The following SEMA4D variants were observed in gnomAD, a reference collection of about 807,000 sequenced individuals.
SEMA4D encodes the protein semaphorin 4D.
SEMA4D carries 22 observed loss-of-function variants against 74.8 expected under a neutral mutation model. The ratio of observed to expected loss-of-function variants is 0.29; its 90% CI spans 0.21 to 0.42. The LOEUF is 0.42. SEMA4D is among the 10% of genes least tolerant of loss of function. The pLI is 1.00. For missense variants in SEMA4D, 937 were observed against 1,118.4 expected, an observed-to-expected ratio of 0.84 and a Z score of 2.31; for synonymous variants, 445 against 463.7, an observed-to-expected ratio of 0.96 and a Z score of 0.52.
chr9:89,372,023 G>A (rs1292177410), intron 16 of SEMA4D, among the ~76,000 whole-genome samples: 1 of 108,588 alleles, frequency 9.2e-6, no homozygotes. Flanking sequence ...TGTGTCTGGG[G>A]TGTGGTGTGT....
At chr9:89,427,632 G>A (rs189476236) in intron 2 of SEMA4D, among the ~76,000 whole-genome samples, 10 of 152,274 alleles carry the variant, frequency 6.6e-5, no homozygotes, top group Non-Finnish European at 1.0e-4. Flanking sequence ...TCCACCCCCC[G>A]GTCAGCAGCA....
intron 1 of SEMA4D, among the ~76,000 whole-genome samples, chr9:89,458,759 A>G (rs935188613): frequency 2.6e-5 from 4 of 152,006 alleles, no homozygotes; most frequent in African/African-American, 9.7e-5. Flanking sequence ...ACACATATAC[A>G]TATATGCACA....
chr9:89,417,729 G>A (rs1421308368), intron 2 of SEMA4D, among the ~76,000 whole-genome samples: 1 of 152,184 alleles, frequency 6.6e-6, no homozygotes, highest in African/African-American at 2.4e-5. Context: ...TAAGCTTTCT[G>A]GTGCAGGCAC....
At chr9:89,452,886 T>C (rs910908498) in intron 2 of SEMA4D, among the ~76,000 whole-genome samples, 1 of 152,126 alleles carries the variant, frequency 6.6e-6, no homozygotes, top group Non-Finnish European at 1.5e-5. Flanking sequence ...ACATTGTTCA[T>C]CATTAGTCAG....
At chr9:89,464,201 G>A (rs1351792544) in intron 1 of SEMA4D, among the ~76,000 whole-genome samples, 1 of 152,152 alleles carries the variant, frequency 6.6e-6, no homozygotes, top group Admixed American at 6.5e-5. Flanking sequence ...CGCTCTCAGG[G>A]ACCAAGGACA....
At chr9:89,459,205 C>A (rs142142417) in intron 1 of SEMA4D, among the ~76,000 whole-genome samples, 12 of 152,306 alleles carry the variant, frequency 7.9e-5, no homozygotes, top group African/African-American at 2.9e-4. Context: ...GATCTGAATG[C>A]CAGATCTCTG....
At chr9:89,418,147 T>C (rs1398198196) in intron 2 of SEMA4D, 1 of 968,350 alleles carries the variant, frequency 1.0e-6, no homozygotes, top group Non-Finnish European at 1.2e-6. Flanking sequence ...ACAAGGCTAT[T>C]TAAGCCCTTA....
chr9:89,372,719 A>G (rs1835284732), downstream of SEMA4D, among the ~76,000 whole-genome samples: 3 of 151,994 alleles, frequency 2.0e-5, no homozygotes, highest in Admixed American at 1.3e-4. Flanking sequence ...AAGGCAGTGC[A>G]GTCCTGACCT....
At chr9:89,425,812 G>A (rs933321294) in intron 2 of SEMA4D, among the ~76,000 whole-genome samples, 7 of 152,278 alleles carry the variant, frequency 4.6e-5, no homozygotes, top group African/African-American at 1.2e-4. Flanking sequence ...ATGCCCTCCC[G>A]GGTCCTGCAG....
At chr9:89,438,248 G>C (rs887968170) in intron 2 of SEMA4D, among the ~76,000 whole-genome samples, 1 of 152,262 alleles carries the variant, frequency 6.6e-6, no homozygotes, top group African/African-American at 2.4e-5. Context: ...TGAGAAACTG[G>C]AGACCCAGGA....
At chr9:89,473,722 G>A (rs1336461140) in intron 1 of SEMA4D, among the ~76,000 whole-genome samples, 2 of 152,078 alleles carry the variant, frequency 1.3e-5, no homozygotes, top group Non-Finnish European at 2.9e-5. Flanking sequence ...GGGCATGGTG[G>A]CACATGACTG....
At chr9:89,446,166 T>A (rs1259937576) in intron 2 of SEMA4D, among the ~76,000 whole-genome samples, 1 of 152,074 alleles carries the variant, frequency 6.6e-6, no homozygotes, top group Non-Finnish European at 1.5e-5. Context: ...AATTGGCAGA[T>A]AAAATCCACC....
At chr9:89,362,872 A>G (rs1378443269) in intron 18 of SEMA4D, among the ~76,000 whole-genome samples, 2 of 152,194 alleles carry the variant, frequency 1.3e-5, no homozygotes, top group African/African-American at 2.4e-5. Flanking sequence ...TCGGCTATTT[A>G]GGAGCCGGGG....
chr9:89,429,878 G>T (rs961950170), intron 2 of SEMA4D, among the ~76,000 whole-genome samples: 1 of 152,176 alleles, frequency 6.6e-6, no homozygotes, highest in African/African-American at 2.4e-5. Context: ...CCAGTTACGT[G>T]CTCAGAAGAA....
At chr9:89,404,870 G>A (rs1198412195) in intron 3 of SEMA4D, among the ~76,000 whole-genome samples, 1 of 141,614 alleles carries the variant, frequency 7.1e-6, no homozygotes, top group Non-Finnish European at 1.5e-5. Flanking sequence ...CCCAGGAAGT[G>A]GAGTCCCCAT....
intron 1 of SEMA4D, among the ~76,000 whole-genome samples, chr9:89,462,237 T>C (rs1255442927): frequency 6.6e-6 from 1 of 152,224 alleles, no homozygotes; most frequent in African/African-American, 2.4e-5. Flanking sequence ...CTGCAAATTC[T>C]TGAAACTTGA....
intron 10 of SEMA4D, 27 bp downstream of exon 10, chr9:89,388,845 G>C: frequency 6.2e-7 from 1 of 1,610,046 alleles, no homozygotes; most frequent in East Asian, 2.2e-5. Flanking sequence ...AGGGAGCAAG[G>C]AGGGGGACTC....
chr9:89,372,785 C>G (rs1393038327), downstream of SEMA4D, among the ~76,000 whole-genome samples: 1 of 152,032 alleles, frequency 6.6e-6, no homozygotes, highest in African/African-American at 2.4e-5. Flanking sequence ...ACACCATGTG[C>G]TGTCTCACCT....
At chr9:89,473,066 C>T (rs1343452219) in intron 1 of SEMA4D, among the ~76,000 whole-genome samples, 2 of 152,092 alleles carry the variant, frequency 1.3e-5, no homozygotes, top group African/African-American at 2.4e-5. Flanking sequence ...CCCGCCTAGG[C>T]AACAGAGCAA....
Sources: gnomAD v4.1 joint callset for allele counts (sites outside exome capture counted in the v4.1 genomes callset) on GRCh38, gnomAD v4.1.1 for gene constraint, MANE v1.5 for transcripts, NCBI Gene and HGNC (gene_info 2026-07-23, HGNC 2026-07-21) for gene names.